SH3D21: variants seen among roughly 807,000 people sequenced by gnomAD.
SH3D21 encodes the protein SH3 domain-containing protein 21.
Under a neutral mutation model 82.1 loss-of-function variants are expected in SH3D21, and 83 were observed. That is an observed-to-expected ratio of 1.01 (90% confidence interval 0.85 to 1.21). SH3D21 has a LOEUF of 1.21. Ranked by LOEUF, SH3D21 falls within the 50% of genes most tolerant of loss-of-function variation. SH3D21 has a pLI of 0.00. For missense variants in SH3D21, 980 were observed against 962.1 expected (o/e 1.02, Z -0.25); for synonymous variants, 383 against 387.8 (o/e 0.99, Z 0.15).
At chr1:36,322,483 G>A (rs1349375530), downstream of SH3D21, 2 of 1,604,118 alleles carry the variant, frequency 1.2e-6, no homozygotes. Flanking sequence ...GGCCCGTCCG[G>A]CTCTGCGGAC....
At chr1:36,323,334 G>T (rs1053851319), downstream of SH3D21, 6 of 381,348 alleles carry the variant, frequency 1.6e-5, no homozygotes, top group East Asian at 2.7e-4. Context: ...CGCCGTCCCG[G>T]GGCGGGATGG....
At chr1:36,327,410 C>T (rs1203027714), downstream of SH3D21, among the ~76,000 whole-genome samples, 1 of 152,144 alleles carries the variant, frequency 6.6e-6, no homozygotes, top group Non-Finnish European at 1.5e-5. Flanking sequence ...GTGTTGTGTG[C>T]CTCAGTGCCT....
At chr1:36,322,729 C>T (rs1203873908), downstream of SH3D21, 2 of 1,545,782 alleles carry the variant, frequency 1.3e-6, no homozygotes, top group Non-Finnish European at 8.7e-7. Flanking sequence ...GGGTTGGCTG[C>T]GGGGCACAGG....
rs991893733 is a variant in SH3D21, at chr1:36,319,442, G to T, written c.917G>T (p.Gly306Val). The T allele has an allele frequency of 8.4e-6, 13 of 1,551,460 alleles. No individual in the cohort carries two copies. The highest frequency in any genetic ancestry group is 2.0e-5 in the Admixed American group (1 of 50,972). Residue 306 changes from glycine to valine, a missense_variant and splice_region_variant, in exon 13 of 16, where the codon GGC becomes GTC. By Grantham distance (109) the Gly-to-Val change is moderately radical. Transcript: ENST00000453908. ...GGTCCCTGAGGTTCTGCTCTCTTAG[G>T]CCCCAATGGTGGCTTCCAAAGTGGG... ...DSQKLTSRDS[G>V]PNGGFQSGGS...
downstream of SH3D21, chr1:36,322,904 T>C (rs1401750224): frequency 1.3e-6 from 2 of 1,578,258 alleles, no homozygotes; most frequent in African/African-American, 1.4e-5. Flanking sequence ...GACAAGGCGC[T>C]GGGGAGGGAA....
Position 36,315,365 on chromosome 1 carries a change from G to C in SH3D21, c.770-3706G>C, listed in dbSNP as rs186459321. On this transcript the variant is annotated intron_variant, in intron 10 of 15. Transcript: ENST00000453908. ...TGTTGGATTTTTCTTTTTCTTTTGC[G>C]GGGGGAAGGAGTCTCGCTCTGTCTC... Among the ~76,000 whole-genome samples the C allele has an allele frequency of 1.8e-4, 27 of 151,778 alleles. No individual in the cohort carries two copies. In the East Asian group the frequency reaches 4.3e-3, roughly 24 times the overall value.
chr1:36,323,175 G>A, downstream of SH3D21: 1 of 932,414 alleles, frequency 1.1e-6, no homozygotes, highest in East Asian at 3.1e-5. Context: ...CCACCCTGGA[G>A]AGAGCGCTTC....
intron 12 of SH3D21, 32 bp from the exon 13 acceptor site, chr1:36,319,410 A>T (rs747868615): frequency 1.3e-6 from 2 of 1,551,040 alleles, no homozygotes; most frequent in African/African-American, 1.4e-5. Context: ...GGGTCAGAGT[A>T]GGCTTGGGTC....
intron 10 of SH3D21, among the ~76,000 whole-genome samples, chr1:36,314,912 C>T (rs1432494496): frequency 2.0e-5 from 3 of 152,132 alleles, no homozygotes; most frequent in African/African-American, 7.2e-5. Context: ...CTGATCCTCA[C>T]AGTTTGCCCT....
intron 9 of SH3D21, among the ~76,000 whole-genome samples, chr1:36,309,253 G>A (rs1299505813): frequency 1.3e-5 from 2 of 151,202 alleles, no homozygotes; most frequent in Non-Finnish European, 2.9e-5. Flanking sequence ...CTAGAGTGCA[G>A]CGGCAGGATC....
chr1:36,309,379 T>C, intron 9 of SH3D21, 169 bp from the exon 10 acceptor site: 1 of 648,818 alleles, frequency 1.5e-6, no homozygotes, highest in East Asian at 2.9e-5. Context: ...GTATTTTTAG[T>C]AGAGACGGGA....
chr1:36,321,732 C>G (rs1315291590), downstream of SH3D21: 1 of 1,008,000 alleles, frequency 9.9e-7, no homozygotes, highest in East Asian at 1.0e-4. The surrounding 1 kb of genome is among the most constrained non-coding windows in gnomAD (Gnocchi z 6.1). Context: ...AGTGTATGAA[C>G]CCAGGGCACT....
chr1:36,323,995 T>G (rs1646514584), downstream of SH3D21: 1 of 152,234 alleles, frequency 6.6e-6, no homozygotes. Context: ...ACCGTCAGGA[T>G]TTGAATCTGC....
intron 9 of SH3D21, 126 bp downstream of exon 9, chr1:36,308,601 G>T (rs904706205): frequency 2.9e-5 from 20 of 689,498 alleles, no homozygotes; most frequent in Non-Finnish European, 4.9e-5. Context: ...ACATGTGGGG[G>T]CTCCTTTTGG....
chr1:36,306,993 G>T lies in SH3D21; in HGVS notation c.226+88G>T, dbSNP rs1026469159. On this transcript the variant is annotated intron_variant, in intron 3 of 15. Coordinates refer to ENST00000453908, the MANE Select transcript of SH3D21 (RefSeq NM_001162530.2). The surrounding 1 kb of genome is among the most constrained non-coding windows in gnomAD (Gnocchi z 4.5). ...GTCTCCGGCTCTTAGTGACGGGCGC[G>T]GCTCTGGGCGGGACCTCGGGGCCGC... The T allele has an allele frequency of 1.4e-6, 2 of 1,389,680 alleles. No individual in the cohort carries two copies. The highest frequency in any genetic ancestry group is 1.5e-5 in the South Asian group (1 of 66,798). The allele number at this position is 1,389,680 out of a possible 1,614,324, so 86.1% of individuals were successfully genotyped here. A position where few individuals can be genotyped will look rare whatever the true frequency, so the allele number is the denominator to read the frequency against.
chr1:36,311,385 C>T (rs1199704211), intron 10 of SH3D21, among the ~76,000 whole-genome samples: 2 of 152,098 alleles, frequency 1.3e-5, no homozygotes, highest in Admixed American at 6.6e-5. Flanking sequence ...GGACTACAGG[C>T]GCCTGCCATC....
Position 36,306,469 on chromosome 1 carries a change from C to CATAG in SH3D21, c.4+46_4+49dup, listed in dbSNP as rs1557468393. ...GGTGGCCTCTCTCTGCAACCGTGGA[C>CATAG]ATAGCAAGAGCCCACACCACCCCCC... On this transcript the variant is annotated intron_variant, in intron 1 of 15. Coordinates refer to ENST00000453908, the MANE Select transcript of SH3D21 (RefSeq NM_001162530.2). This position sits in a 1 kb window ranked among gnomAD's most constrained non-coding sequence, Gnocchi z 4.5. 7.7e-7 allele frequency: 1 copy of CATAG among 1,305,344 alleles called. No homozygotes were observed. Among genetic ancestry groups the CATAG allele is most frequent in the South Asian group, 1.2e-5 (1 of 81,030 alleles). 80.9% of individuals were successfully genotyped at this position (1,305,344 alleles called of 1,614,324 possible). A position where few individuals can be genotyped will look rare whatever the true frequency, so the allele number is the denominator to read the frequency against.
chr1:36,306,988 G>A lies in SH3D21; in HGVS notation c.226+83G>A, dbSNP rs997612703. The A allele has an allele frequency of 4.5e-5, 62 of 1,384,988 alleles. No individual in the cohort carries two copies. The Middle Eastern group carries it at 2.5e-3, about 56-fold the overall frequency. The allele number at this position is 1,384,988 out of a possible 1,614,324, so 85.8% of individuals were successfully genotyped here. On this transcript the variant is annotated intron_variant, in intron 3 of 15. Transcript: ENST00000453908. This position sits in a 1 kb window ranked among gnomAD's most constrained non-coding sequence, Gnocchi z 4.5. ...CCGGCGTCTCCGGCTCTTAGTGACG[G>A]GCGCGGCTCTGGGCGGGACCTCGGG...
rs749677503 is a variant in SH3D21 at position 36,320,099 on chromosome 1, C to A, written c.1436C>A (p.Ala479Asp). The A allele has an allele frequency of 1.2e-6, 2 of 1,613,984 alleles. No homozygotes were observed. The highest frequency in any genetic ancestry group is 2.7e-5 in the African/African-American group (2 of 75,016). The change falls in exon 14 of 16, where the codon GCC becomes GAC. Residue 479 changes from alanine to aspartate, a missense_variant. Transcript: ENST00000453908. ...AAGATGGCCCCTCTGGGGGATGAGG[C>A]CCCCACTCTAGAAAAGGTCTTGACC... ...NPKMAPLGDEAPTLEKVLTPE... is the reference protein window; with the variant it reads ...NPKMAPLGDEDPTLEKVLTPE...
Sources: gnomAD v4.1 joint callset for allele counts (sites outside exome capture counted in the v4.1 genomes callset) on GRCh38, gnomAD v4.1.1 for gene constraint, Gnocchi (gnomAD v3.1) non-coding constraint, MANE v1.5 for transcripts, NCBI Gene and HGNC (gene_info 2026-07-23, HGNC 2026-07-21) for gene names.